Variants in CFAP36 observed in about 807,000 individuals in gnomAD.
The protein encoded by CFAP36 is cilia- and flagella-associated protein 36.
CFAP36 carries 37 observed loss-of-function variants against 50.5 expected under a neutral mutation model. That is an observed-to-expected ratio of 0.73 (90% CI 0.56 to 0.96). The LOEUF (loss-of-function observed/expected upper bound fraction) is 0.96. CFAP36 is among the 50% of genes least tolerant of loss of function. The pLI is 0.00. For synonymous variants in CFAP36, 138 were observed against 128.2 expected (o/e 1.08, Z -0.52); for missense variants, 407 against 396.2 (o/e 1.03, Z -0.23).
rs143768935 is a variant in CFAP36, at chr2:55,526,795, G to A, written c.283-2083G>A. Among the ~76,000 whole-genome samples, 517 of 152,218 alleles carry A rather than the reference G, an allele frequency of 3.4e-3. 3 individuals are homozygous for A. Among genetic ancestry groups the A allele is most frequent in the Non-Finnish European group, 5.2e-3 (356 of 68,004 alleles). ...CCAATGCTTTGGGAGGCTGAGGCAG[G>A]AGGATTACTTTAGGCCAGGGTCTCA... On this transcript the variant is annotated intron_variant, in intron 3 of 9. Coordinates refer to ENST00000349456, the MANE Select transcript of CFAP36 (RefSeq NM_080667.7).
intron 3 of CFAP36, among the ~76,000 whole-genome samples, chr2:55,528,306 C>G (rs1684262312): frequency 6.6e-6 from 1 of 151,780 alleles, no homozygotes; most frequent in Non-Finnish European, 1.5e-5. Context: ...TCTACTTTAT[C>G]TGAAACTAAA....
At chr2:55,520,031 T>A (rs1684016563) in intron 1 of CFAP36, 115 bp downstream of exon 1, 3 of 893,606 alleles carry the variant, frequency 3.4e-6, no homozygotes, top group Non-Finnish European at 3.5e-6. Context: ...TCTCCACCCC[T>A]GTCGCAAGGT....
At chr2:55,524,116 C>T (rs758207426) in intron 3 of CFAP36, among the ~76,000 whole-genome samples, 1 of 152,208 alleles carries the variant, frequency 6.6e-6, no homozygotes, top group Non-Finnish European at 1.5e-5. Flanking sequence ...AATAATTCTG[C>T]AGTTGCTCCT....
chr2:55,538,553 C>T (rs930307432), intron 7 of CFAP36, among the ~76,000 whole-genome samples: 8 of 151,928 alleles, frequency 5.3e-5, no homozygotes, highest in African/African-American at 7.3e-5. Flanking sequence ...CTTGGCCTCC[C>T]AAAGTGCTGG....
intron 3 of CFAP36, among the ~76,000 whole-genome samples, chr2:55,528,643 G>A (rs952146210): frequency 9.2e-5 from 14 of 152,090 alleles, no homozygotes; most frequent in Admixed American, 3.9e-4. Flanking sequence ...TGTTCTGCCT[G>A]CCTCAGCCGC....
chr2:55,542,485 G>A (rs1365956210), intron 7 of CFAP36, among the ~76,000 whole-genome samples: 2 of 152,278 alleles, frequency 1.3e-5, no homozygotes, highest in African/African-American at 4.8e-5. Flanking sequence ...GCAATGGATA[G>A]TGTCTTTTCT....
At chr2:55,537,721 C>A (rs778149540) in intron 7 of CFAP36, 136 bp downstream of exon 7, 1 of 617,972 alleles carries the variant, frequency 1.6e-6, no homozygotes, top group Non-Finnish European at 2.8e-6. Flanking sequence ...ATTTAACGTT[C>A]TTTGTGAATT....
At chr2:55,522,075 CT>C in intron 1 of CFAP36, 26 bp from the exon 2 acceptor site, 9 of 1,174,348 alleles carry the variant, frequency 7.7e-6, no homozygotes, top group Non-Finnish European at 1.1e-5. Flanking sequence ...GGTTTTTACA[CT>C]ATGTAATATT....
intron 7 of CFAP36, 110 bp downstream of exon 7, chr2:55,537,695 A>G: frequency 1.4e-6 from 1 of 705,012 alleles, no homozygotes; most frequent in Non-Finnish European, 2.3e-6. Flanking sequence ...GGGAGGGAGT[A>G]TTGAATGTCT....
chr2:55,531,063 C>T (rs1451476894), intron 4 of CFAP36: 2 of 152,136 alleles, frequency 1.3e-5, no homozygotes, highest in African/African-American at 4.8e-5. Flanking sequence ...AAGATGCTTT[C>T]CCCAGCAGCT....
At chr2:55,521,552 T>G (rs1684064156) in intron 1 of CFAP36, among the ~76,000 whole-genome samples, 1 of 152,026 alleles carries the variant, frequency 6.6e-6, no homozygotes, top group African/African-American at 2.4e-5. Flanking sequence ...TTTAAATATT[T>G]TCTCAAGTAG....
intron 4 of CFAP36, 57 bp downstream of exon 4, chr2:55,529,049 A>G (rs1183888044): frequency 1.6e-6 from 2 of 1,218,252 alleles, no homozygotes; most frequent in South Asian, 1.4e-5. Flanking sequence ...TACAGTTTTG[A>G]CTATTCTAAT....
intron 6 of CFAP36, 127 bp downstream of exon 6, chr2:55,535,890 G>T: frequency 1.4e-6 from 2 of 1,400,428 alleles, no homozygotes; most frequent in South Asian, 3.1e-5. Flanking sequence ...TGTAAATATT[G>T]ACCAATAATA....
rs186198186 is a variant in CFAP36, at chr2:55,534,007, A to T, written c.485+47A>T. On this transcript the variant is annotated intron_variant, in intron 5 of 9. Coordinates refer to ENST00000349456, the MANE Select transcript of CFAP36 (RefSeq NM_080667.7). ...TTAAATGAATCATTATTAATATTATATGATCTGTACATATGCTTTTTGCCC... is the reference window on the plus strand; with the variant it reads ...TTAAATGAATCATTATTAATATTATTTGATCTGTACATATGCTTTTTGCCC... The T allele has an allele frequency of 8.4e-5, 99 of 1,178,120 alleles. 1 individual carries two copies. In the African/African-American group the frequency reaches 9.2e-4, roughly 11 times the overall value. 73.0% of individuals were successfully genotyped at this position (1,178,120 alleles called of 1,614,324 possible). A position where few individuals can be genotyped will look rare whatever the true frequency, so the allele number is the denominator to read the frequency against.
chr2:55,544,822 T>G, intron 9 of CFAP36, 85 bp from the exon 10 acceptor site: 1 of 809,780 alleles, frequency 1.2e-6, no homozygotes. Context: ...TGCCCCCGAT[T>G]TTTGTTCATT....
chr2:55,533,727 T>C (rs1161441201), intron 4 of CFAP36, 146 bp from the exon 5 acceptor site: 1 of 256,754 alleles, frequency 3.9e-6, no homozygotes, highest in African/African-American at 2.3e-5. Context: ...ATATATAAAA[T>C]AAAAGATGAT....
At chr2:55,522,309 T>C (rs755698945) in intron 2 of CFAP36, 143 bp downstream of exon 2, 1 of 535,382 alleles carries the variant, frequency 1.9e-6, no homozygotes, top group Non-Finnish European at 3.4e-6. Context: ...GCCAGTTATA[T>C]CTGTCTCCAC....
intron 7 of CFAP36, among the ~76,000 whole-genome samples, chr2:55,540,207 C>A (rs909114568): frequency 6.6e-6 from 1 of 152,070 alleles, no homozygotes; most frequent in Non-Finnish European, 1.5e-5. Context: ...ATCACCATAC[C>A]CAAGGTCACC....
At chr2:55,520,029 C>G (rs1684016375) in intron 1 of CFAP36, 113 bp downstream of exon 1, 2 of 934,482 alleles carry the variant, frequency 2.1e-6, no homozygotes, top group Non-Finnish European at 1.6e-6. Context: ...TGTCTCCACC[C>G]CTGTCGCAAG....
Sources: gnomAD v4.1 joint callset for allele counts (sites outside exome capture counted in the v4.1 genomes callset) on GRCh38, gnomAD v4.1.1 for gene constraint, MANE v1.5 for transcripts, NCBI Gene and HGNC (gene_info 2026-07-23, HGNC 2026-07-21) for gene names.